The following SORCS2 variants were observed in gnomAD, a reference collection of about 807,000 sequenced individuals.
The protein encoded by SORCS2 is sortilin related VPS10 domain containing receptor 2, also known as VPS10 domain-containing receptor SorCS2.
In SORCS2, 100 loss-of-function variants were observed where a neutral mutation model predicts 141.6. The observed-to-expected ratio is 0.71, with a 90% CI of 0.60 to 0.83. The LOEUF (loss-of-function observed/expected upper bound fraction) is 0.83, where lower values mean the gene tolerates loss of function less well. Ranked by LOEUF, SORCS2 falls within the 40% of genes least tolerant of loss-of-function variation. The probability of loss-of-function intolerance (pLI) is 0.00; values close to 1 mark genes in which losing one functional copy is unlikely to be tolerated. For synonymous variants in SORCS2, 789 were observed against 676.9 expected, an observed-to-expected ratio of 1.17 and a Z score of -2.57; for missense variants, 1,646 against 1,560.2, an observed-to-expected ratio of 1.05 and a Z score of -0.93.
intron 2 of SORCS2, among the ~76,000 whole-genome samples, chr4:7,457,327 G>C (rs1728978672): frequency 6.6e-6 from 1 of 152,230 alleles, no homozygotes; most frequent in Non-Finnish European, 1.5e-5. Flanking sequence ...GGAGGCAGAG[G>C]CCAGGACTGC....
Position 7,415,412 on chromosome 4 carries a change from G to T in SORCS2, c.548+19057G>T, listed in dbSNP as rs1725601196. On this transcript the variant is annotated intron_variant, in intron 2 of 26. Transcript: ENST00000507866. ...CCGTGGCTCAGGCCTTCCCTCCCAAGCCAGCAGCGTCACCTCCCTCTGACC... is the reference window on the plus strand; with the variant it reads ...CCGTGGCTCAGGCCTTCCCTCCCAATCCAGCAGCGTCACCTCCCTCTGACC... Among the ~76,000 whole-genome samples the T allele has an allele frequency of 2.6e-5, 4 of 152,326 alleles. No homozygotes were observed. In the South Asian group the frequency reaches 8.3e-4, roughly 32 times the overall value.
At chr4:7,473,647 C>T (rs370653638) in intron 2 of SORCS2, among the ~76,000 whole-genome samples, 2 of 152,070 alleles carry the variant, frequency 1.3e-5, no homozygotes, top group African/African-American at 2.4e-5. Flanking sequence ...TAGGCGTGTC[C>T]GTCACCCTGG....
intron 3 of SORCS2, among the ~76,000 whole-genome samples, chr4:7,544,048 C>G (rs1713049160): frequency 6.7e-6 from 1 of 149,494 alleles, no homozygotes; most frequent in Non-Finnish European, 1.5e-5. Context: ...ACCCATCCAT[C>G]CAGCCACCCA....
chr4:7,656,627 C>T (rs1335963126), intron 5 of SORCS2, among the ~76,000 whole-genome samples: 1 of 152,234 alleles, frequency 6.6e-6, no homozygotes, highest in Non-Finnish European at 1.5e-5. Flanking sequence ...GGGCCCTTGC[C>T]CACTCTGCTG....
At chr4:7,299,711 G>C (rs982337811) in intron 1 of SORCS2, among the ~76,000 whole-genome samples, 10 of 152,208 alleles carry the variant, frequency 6.6e-5, no homozygotes, top group Non-Finnish European at 1.3e-4. Flanking sequence ...CCGTGGTCCA[G>C]GCCTGTGTCT....
intron 1 of SORCS2, among the ~76,000 whole-genome samples, chr4:7,367,719 A>G (rs1158718927): frequency 6.6e-6 from 1 of 152,204 alleles, no homozygotes; most frequent in African/African-American, 2.4e-5. Context: ...ATTGCTTATT[A>G]TGGGTCTGTG....
chr4:7,272,291 G>A (rs55844107), intron 1 of SORCS2, among the ~76,000 whole-genome samples: 27,754 of 152,126 alleles, frequency 0.18, 3,204 homozygotes, highest in Non-Finnish European at 0.25. Context: ...ATTTCAAAGC[G>A]TATATTTCAT....
At chr4:7,303,376 C>T (rs1348094607) in intron 1 of SORCS2, among the ~76,000 whole-genome samples, 1 of 152,168 alleles carries the variant, frequency 6.6e-6, no homozygotes, top group Non-Finnish European at 1.5e-5. Context: ...TATGCGTTTC[C>T]AGTCCTCCCT....
chr4:7,527,897 G>A (rs1385342310), intron 2 of SORCS2, among the ~76,000 whole-genome samples: 1 of 152,170 alleles, frequency 6.6e-6, no homozygotes, highest in African/African-American at 2.4e-5. Context: ...GGGGCAGCCT[G>A]GGGGGCTGAG....
intron 1 of SORCS2, among the ~76,000 whole-genome samples, chr4:7,359,436 A>G (rs1560217049): frequency 6.6e-6 from 1 of 152,218 alleles, no homozygotes; most frequent in African/African-American, 2.4e-5. Context: ...GCCTGGCCCA[A>G]GTAATTTATT....
At chr4:7,464,535 A>G (rs1472241903) in intron 2 of SORCS2, among the ~76,000 whole-genome samples, 3 of 152,068 alleles carry the variant, frequency 2.0e-5, no homozygotes, top group African/African-American at 7.2e-5. Flanking sequence ...CTGCAGAGGG[A>G]TTTGCAGCAG....
At chr4:7,416,733 C>T (rs889213292) in intron 2 of SORCS2, among the ~76,000 whole-genome samples, 4 of 150,596 alleles carry the variant, frequency 2.7e-5, no homozygotes, top group East Asian at 2.0e-4. Flanking sequence ...CAGACACACA[C>T]GCATGCACAC....
At chr4:7,389,284 C>T (rs1049039584) in intron 1 of SORCS2, among the ~76,000 whole-genome samples, 2 of 152,164 alleles carry the variant, frequency 1.3e-5, no homozygotes, top group African/African-American at 4.8e-5. Flanking sequence ...TGTGGAGTTA[C>T]TGATGTGGAG....
chr4:7,652,864 C>G (rs1253353728), intron 4 of SORCS2, among the ~76,000 whole-genome samples: 2 of 152,230 alleles, frequency 1.3e-5, no homozygotes, highest in Non-Finnish European at 1.5e-5. Flanking sequence ...TTGCAGGGTG[C>G]AGTGCAAAGT....
At chr4:7,383,325 G>T (rs977151494) in intron 1 of SORCS2, among the ~76,000 whole-genome samples, 1 of 152,192 alleles carries the variant, frequency 6.6e-6, no homozygotes, top group South Asian at 2.1e-4. Context: ...TTCAGAGGCT[G>T]CTGTGCCCAA....
chr4:7,657,810 A>G (rs1291256001), intron 5 of SORCS2, among the ~76,000 whole-genome samples: 4 of 139,162 alleles, frequency 2.9e-5, no homozygotes, highest in South Asian at 2.4e-4. Context: ...GAGTGAGTGA[A>G]TGAGTGAGTG....
intron 2 of SORCS2, among the ~76,000 whole-genome samples, chr4:7,436,235 G>A (rs1223195363): frequency 2.0e-4 from 31 of 152,228 alleles, no homozygotes; most frequent in Admixed American, 2.0e-3. Context: ...TCATACCCCA[G>A]GTGGGGCTGG....
At chr4:7,360,287 C>T (rs1721502680) in intron 1 of SORCS2, among the ~76,000 whole-genome samples, 1 of 152,188 alleles carries the variant, frequency 6.6e-6, no homozygotes, top group Admixed American at 6.5e-5. Flanking sequence ...AACTGAGACT[C>T]AGAGAGGTGA....
intron 2 of SORCS2, among the ~76,000 whole-genome samples, chr4:7,459,758 A>G (rs1292382747): frequency 6.6e-6 from 1 of 151,680 alleles, no homozygotes; most frequent in African/African-American, 2.4e-5. Flanking sequence ...TGCTCCCATC[A>G]CCCTCTGGGA....
Sources: allele counts gnomAD v4.1 joint callset (sites outside exome capture counted in the v4.1 genomes callset), GRCh38; gene constraint gnomAD v4.1.1; transcripts MANE v1.5; gene names NCBI Gene and HGNC (gene_info 2026-07-23, HGNC 2026-07-21).